The following JHY variants were observed in gnomAD, a reference collection of about 807,000 sequenced individuals.
JHY encodes junctional cadherin complex regulator, also known as jhy protein homolog.
JHY carries 69 observed loss-of-function variants against 78.0 expected under a neutral mutation model. The ratio of observed to expected loss-of-function variants is 0.88; its 90% CI spans 0.73 to 1.08. JHY has a LOEUF of 1.08. JHY is among the 50% of genes least tolerant of loss of function. JHY has a pLI of 0.00. For synonymous variants in JHY, 368 were observed against 342.6 expected (o/e 1.07, Z -0.82); for missense variants, 944 against 927.8 (o/e 1.02, Z -0.23).
rs554988163 is a variant in JHY at position 122,956,679 on chromosome 11, G to A, written c.2010+103G>A. On this transcript the variant is annotated intron_variant, in intron 7 of 8. Transcript: ENST00000227349. ...CCCAGAATTAAACCCTAATTCAAAT[G>A]TCTCACTCTGAATAGAGACCTTCTG... 37 of 881,972 alleles carry A rather than the reference G, an allele frequency of 4.2e-5. No individual in the cohort carries two copies. The African/African-American group carries it at 4.9e-4, about 12-fold the overall frequency. The allele number at this position is 881,972 out of a possible 1,614,324, so 54.6% of individuals were successfully genotyped here.
In JHY at chr11:122,885,950, A is replaced by T. The variant is rs750870728; in HGVS notation, c.101A>T (p.Asp34Val). Residue 34 changes from aspartate (D) to valine (V), a missense_variant, in exon 2 of 9, where the codon GAC becomes GTC. Physicochemically the swap from Asp to Val is radical, Grantham distance 152. Coordinates refer to ENST00000227349, the MANE Select transcript of JHY (RefSeq NM_024806.4). Reference protein sequence around the residue: ...QSTHPPLKKEDLHRISKDSLE... With the variant: ...QSTHPPLKKEVLHRISKDSLE... ...ACACACCCACCTTTGAAGAAAGAAG[A>T]CTTACATCGGATTTCAAAAGACTCC... The T allele has an allele frequency of 1.2e-6, 2 of 1,614,150 alleles. No homozygotes were observed. The highest frequency in any genetic ancestry group is 1.1e-5 in the South Asian group (1 of 91,082).
intron 6 of JHY, among the ~76,000 whole-genome samples, chr11:122,949,132 C>G (rs1249058958): frequency 6.6e-6 from 1 of 151,570 alleles, no homozygotes; most frequent in Non-Finnish European, 1.5e-5. Context: ...AGTACCAGTA[C>G]GAACAAAGGT....
intron 3 of JHY, among the ~76,000 whole-genome samples, chr11:122,916,237 C>T (rs538295632): frequency 1.3e-5 from 2 of 152,094 alleles, no homozygotes; most frequent in South Asian, 4.2e-4. Context: ...GATGGATACC[C>T]CACATATCTT....
rs745766434 is a variant in JHY at position 122,961,941 on chromosome 11, GAC to G, written c.*2501_*2502del. On this transcript the variant is annotated 3_prime_UTR_variant, in exon 9 of 9. Coordinates refer to ENST00000227349, the MANE Select transcript of JHY (RefSeq NM_024806.4). ...ACACCTAATGCAGGCAACTCTGAGA[GAC>G]ACACTTTATCAAAGCTCCTTACTCC... is the stretch of plus-strand genomic sequence containing the variant. 1.3e-5 allele frequency among the ~76,000 whole-genome samples: 2 copies of G among 152,140 alleles called. No homozygotes were observed. The highest frequency in any genetic ancestry group is 2.9e-5 in the Non-Finnish European group (2 of 68,034).
chr11:122,960,368 C>T lies in JHY; in HGVS notation c.*923C>T. 1 of 185,318 alleles carries T rather than the reference C, an allele frequency of 5.4e-6. No individual in the cohort carries two copies. Among genetic ancestry groups the T allele is most frequent in the East Asian group, 1.2e-4 (1 of 8,034 alleles). 11.5% of individuals were successfully genotyped at this position (185,318 alleles called of 1,614,324 possible). A position where few individuals can be genotyped will look rare whatever the true frequency, so the allele number is the denominator to read the frequency against. Reference sequence around the variant, plus strand: ...CACTTTCTGCCACTGCCACAGTGGCCCCCTCTCTGTAGAATGCAGTTTTCT... The same window carrying T: ...CACTTTCTGCCACTGCCACAGTGGCTCCCTCTCTGTAGAATGCAGTTTTCT... On this transcript the variant is annotated 3_prime_UTR_variant, in exon 9 of 9. Transcript: ENST00000227349.
intron 8 of JHY, 44 bp downstream of exon 8, chr11:122,957,535 A>G: frequency 6.9e-7 from 1 of 1,453,194 alleles, no homozygotes. Flanking sequence ...AAGCAGAATT[A>G]AAAGGAAACT....
chr11:122,903,637 C>A (rs1378533173), intron 2 of JHY, among the ~76,000 whole-genome samples: 1 of 152,056 alleles, frequency 6.6e-6, no homozygotes, highest in Non-Finnish European at 1.5e-5. Flanking sequence ...ACACCATACC[C>A]AGCTAATTTT....
At chr11:122,942,069 G>A (rs958982142) in intron 5 of JHY, among the ~76,000 whole-genome samples, 63 of 151,764 alleles carry the variant, frequency 4.2e-4, no homozygotes, top group Admixed American at 2.4e-3. Context: ...ACAGCGTTTC[G>A]CCATGTTGGT....
rs142665496 is a variant in JHY, at chr11:122,890,864, A to G, written c.344+4671A>G. On this transcript the variant is annotated intron_variant, in intron 2 of 8. Coordinates refer to ENST00000227349, the MANE Select transcript of JHY (RefSeq NM_024806.4). The stretch of plus-strand genomic sequence containing the variant: ...TTATAGCCCTAGTCATTGTTTGGCT[A>G]TATAGTGCTTCATACACTGAAATTA... Among the ~76,000 whole-genome samples the G allele has an allele frequency of 4.1e-3, 621 of 152,310 alleles. 6 individuals carry two copies. Among genetic ancestry groups the G allele is most frequent in the African/African-American group, 0.015 (604 of 41,544 alleles).
intron 5 of JHY, among the ~76,000 whole-genome samples, chr11:122,944,060 GGTGGGGTGCACCT>G (rs1395443136): frequency 4.6e-5 from 7 of 152,154 alleles, no homozygotes; most frequent in African/African-American, 1.7e-4. Context: ...AGCCAGGCAT[GGTGGGGTGCACCT>G]GTGGTCACAA....
chr11:122,895,814 C>G (rs1862729100), intron 2 of JHY, among the ~76,000 whole-genome samples: 2 of 152,152 alleles, frequency 1.3e-5, no homozygotes, highest in South Asian at 2.1e-4. Flanking sequence ...TGACCTGGAC[C>G]ACAAAACACA....
chr11:122,904,479 C>G, intron 3 of JHY, 35 bp downstream of exon 3: 1 of 1,568,674 alleles, frequency 6.4e-7, no homozygotes, highest in Non-Finnish European at 8.6e-7. Flanking sequence ...TCTTCTGAAA[C>G]ATTAAACCAG....
At chr11:122,948,068 C>G (rs1174735054) in intron 6 of JHY, among the ~76,000 whole-genome samples, 1 of 152,142 alleles carries the variant, frequency 6.6e-6, no homozygotes, top group Non-Finnish European at 1.5e-5. Context: ...AAATGAGTGC[C>G]TCAGTACAGA....
chr11:122,888,268 C>T (rs1416174145), intron 2 of JHY, among the ~76,000 whole-genome samples: 1 of 152,078 alleles, frequency 6.6e-6, no homozygotes, highest in Admixed American at 6.6e-5. Context: ...GATGCAGCAG[C>T]GTTTAAGGAA....
At position 122,885,899 on chromosome 11, in the gene JHY, T is replaced by C; in HGVS notation, c.50T>C (p.Leu17Pro). The C allele has an allele frequency of 6.2e-7, 1 of 1,614,188 alleles. No individual in the cohort carries two copies. The highest frequency in any genetic ancestry group is 8.5e-7 in the Non-Finnish European group (1 of 1,180,026). The change falls in exon 2 of 9, where the codon CTT becomes CCT. Residue 17 changes from leucine (L) to proline (P), a missense_variant. By Grantham distance (98) the Leu-to-Pro change is moderately conservative. Transcript: ENST00000227349. ...AAGCTCTCTATTCAATCTCCTGTCC[T>C]TCATACCAACTTAAATGTCCAGTCC... Reference protein sequence around the residue: ...IPKLSIQSPVLHTNLNVQSTH... With the variant: ...IPKLSIQSPVPHTNLNVQSTH...
chr11:122,919,514 C>T (rs534905016), intron 3 of JHY, among the ~76,000 whole-genome samples: 1 of 152,242 alleles, frequency 6.6e-6, no homozygotes, highest in East Asian at 1.9e-4. Flanking sequence ...CAAGGGGCCA[C>T]AGCTGAAGAA....
chr11:122,913,071 T>C (rs189406637), intron 3 of JHY, among the ~76,000 whole-genome samples: 1 of 152,034 alleles, frequency 6.6e-6, no homozygotes, highest in African/African-American at 2.4e-5. Context: ...AAGAACAAAG[T>C]GTAGGCAAAA....
Position 122,924,967 on chromosome 11 carries a change from T to C in JHY, c.935T>C (p.Ile312Thr). The C allele has an allele frequency of 1.9e-6, 3 of 1,614,098 alleles. No individual in the cohort carries two copies. The highest frequency in any genetic ancestry group is 2.5e-6 in the Non-Finnish European group (3 of 1,179,972). ...QNAKEMENAA[I>T]DPEDKWHQRA... ...GCCAAGGAAATGGAAAATGCTGCCA[T>C]CGATCCTGAAGATAAATGGCATCAA... is the stretch of plus-strand genomic sequence containing the variant. Residue 312 changes from isoleucine (I) to threonine (T), a missense_variant, in exon 4 of 9, where the codon ATC becomes ACC. Transcript: ENST00000227349.
At chr11:122,929,481 C>T (rs1337394707) in intron 4 of JHY, among the ~76,000 whole-genome samples, 1 of 152,042 alleles carries the variant, frequency 6.6e-6, no homozygotes, top group Non-Finnish European at 1.5e-5. Flanking sequence ...GAACGAGGAA[C>T]CATGACAGCT....
Sources: allele counts gnomAD v4.1 joint callset (sites outside exome capture counted in the v4.1 genomes callset), GRCh38; gene constraint gnomAD v4.1.1; transcripts MANE v1.5; gene names NCBI Gene and HGNC (gene_info 2026-07-23, HGNC 2026-07-21).